NDN: variants seen among roughly 807,000 people sequenced by gnomAD.
The protein encoded by NDN is necdin.
For synonymous variants in NDN, 245 were observed against 189.4 expected (o/e 1.29, Z -2.41); for missense variants, 465 against 440.4 (o/e 1.06, Z -0.50).
At position 23,686,560 on chromosome 15, in the gene NDN, G is replaced by A. The variant is rs765322757; in HGVS notation, c.658C>T (p.Arg220Trp). The A allele has an allele frequency of 6.8e-6, 11 of 1,613,310 alleles. No individual in the cohort carries two copies. The South Asian group carries it at 1.1e-4, about 16-fold the overall frequency. ...VWNVLRILGL[R>W]PWKKHSTFGD... ...AAGGTGGAGTGCTTCTTCCAGGGCCGCAGCCCCAGGATGCGCAGCACGTTC... is the reference window on the plus strand; with the variant it reads ...AAGGTGGAGTGCTTCTTCCAGGGCCACAGCCCCAGGATGCGCAGCACGTTC... Residue 220 changes from arginine (R) to tryptophan (W), a missense_variant, in exon 1 of 1, where the codon CGG (arginine) becomes TGG (tryptophan). Transcript: ENST00000649030.
In NDN at chr15:23,686,274, C is replaced by A; in HGVS notation, c.944G>T (p.Arg315Leu). Residue 315 changes from arginine (R) to leucine (L), a missense_variant, in exon 1 of 1, where the codon CGC becomes CTC. Arg to Leu is a moderately radical substitution (Grantham distance 102). Transcript: ENST00000649030. ...REANPTAHYP[R>L]SSVSED ...TTGCTAGTCCTCAGAGACACTGCTG[C>A]GAGGGTAGTGGGCAGTGGGATTAGC... 1 of 1,510,838 alleles carries A rather than the reference C, an allele frequency of 6.6e-7. No homozygotes were observed. The highest frequency in any genetic ancestry group is 8.8e-7 in the Non-Finnish European group (1 of 1,131,074). The allele number at this position is 1,510,838 out of a possible 1,614,324, so 93.6% of individuals were successfully genotyped here.
In NDN at chr15:23,686,591, G is replaced by A; in HGVS notation, c.627C>T (p.Ala209=). The A allele has an allele frequency of 6.2e-7, 1 of 1,613,260 alleles. No homozygotes were observed. The highest frequency in any genetic ancestry group is 1.1e-5 in the South Asian group (1 of 91,070). The part of the protein sequence containing the change: ...YVKGRGARES[A]VWNVLRILGL... ...CCAGGATGCGCAGCACGTTCCAGAC[G>A]GCGCTCTCTCTGGCGCCGCGGCCCT... Residue 209 remains alanine, a synonymous_variant, in exon 1 of 1, where the codon GCC becomes GCT. Coordinates refer to ENST00000649030, the MANE Select transcript of NDN (RefSeq NM_002487.3).
chr15:23,687,152 C>T lies in NDN; in HGVS notation c.66G>A (p.Val22=), dbSNP rs758774125. 4 of 1,556,694 alleles carry T rather than the reference C, an allele frequency of 2.6e-6. No homozygotes were observed. Among genetic ancestry groups the T allele is most frequent in the South Asian group, 1.2e-5 (1 of 84,780 alleles). The change falls in exon 1 of 1, where the codon GTG becomes GTA. Residue 22 remains valine (V), a synonymous_variant. Transcript: ENST00000649030. ...NFAAEAPNSE[V]HSSPGVSEGV... The stretch of plus-strand genomic sequence containing the variant: ...CCTCCGAAACCCCAGGGCTGCTGTG[C>T]ACCTCGGAGTTGGGGGCCTCGGCTG...
Position 23,687,031 on chromosome 15 carries a change from C to T in NDN, c.187G>A (p.Asp63Asn). 2.0e-6 allele frequency: 3 copies of T among 1,491,378 alleles called. No individual in the cohort carries two copies. Among genetic ancestry groups the T allele is most frequent in the Non-Finnish European group, 2.7e-6 (3 of 1,123,950 alleles). 92.4% of individuals were successfully genotyped at this position (1,491,378 alleles called of 1,614,324 possible). The stretch of plus-strand genomic sequence containing the variant: ...TGCAGGGCCTTCGGGTCGCCCTCGT[C>T]GTTCGGGGCCTGGGGAGGCGGCGCG... ...QAAPPPQAPN[D>N]EGDPKALQQA... The change falls in exon 1 of 1, where the codon GAC (aspartate) becomes AAC (asparagine). Residue 63 changes from aspartate to asparagine, a missense_variant. Physicochemically the swap from Asp to Asn is conservative, Grantham distance 23. Coordinates refer to ENST00000649030, the MANE Select transcript of NDN (RefSeq NM_002487.3).
Position 23,686,916 on chromosome 15 carries a change from T to A in NDN, c.302A>T (p.Lys101Met). 1 of 1,613,288 alleles carries A rather than the reference T, an allele frequency of 6.2e-7. No individual in the cohort carries two copies. Among genetic ancestry groups the A allele is most frequent in the Non-Finnish European group, 8.5e-7 (1 of 1,179,730 alleles). Reference sequence around the variant, plus strand: ...CACGTACCACATGAGCTCGTGCGCCTTCTGCACCAGCTGCGCCGGGGCTGG... The same window carrying A: ...CACGTACCACATGAGCTCGTGCGCCATCTGCACCAGCTGCGCCGGGGCTGG... ...APPAPAQLVQ[K>M]AHELMWYVLV... The change falls in exon 1 of 1, where the codon AAG becomes ATG. Residue 101 changes from lysine to methionine, a missense_variant. Lys to Met is a moderately conservative substitution (Grantham distance 95). Transcript: ENST00000649030.
rs770125459 is a variant in NDN at position 23,686,780 on chromosome 15, G to A, written c.438C>T (p.Ile146=). 9.3e-6 allele frequency: 15 copies of A among 1,613,892 alleles called. No homozygotes were observed. The highest frequency in any genetic ancestry group is 1.2e-5 in the Non-Finnish European group (14 of 1,180,026). ...GGTGCAGCCCGAACACCCGGGCGAGGATGAGGCTGGTGCGCCGGAGGATGC... is the reference window on the plus strand; with the variant it reads ...GGTGCAGCCCGAACACCCGGGCGAGAATGAGGCTGGTGCGCCGGAGGATGC... ...CRSILRRTSL[I]LARVFGLHLR... is the part of the protein sequence containing the mutation. Residue 146 remains isoleucine, a synonymous_variant, in exon 1 of 1, where the codon ATC becomes ATT. Coordinates refer to ENST00000649030, the MANE Select transcript of NDN (RefSeq NM_002487.3).
In NDN at chr15:23,686,988, C is replaced by T; in HGVS notation, c.230G>A (p.Gly77Asp). ...CGCGCTCGGGGCCTGGTGGGCGCGGCCCTCCTCCGCAGCCTGCTGCAGGGC... is the reference window on the plus strand; with the variant it reads ...CGCGCTCGGGGCCTGGTGGGCGCGGTCCTCCTCCGCAGCCTGCTGCAGGGC... ...PKALQQAAEE[G>D]RAHQAPSAAQ... is the part of the protein sequence containing the mutation. The change falls in exon 1 of 1, where the codon GGC becomes GAC. Residue 77 changes from glycine (G) to aspartate (D), a missense_variant. Gly to Asp is a moderately conservative substitution (Grantham distance 94, BLOSUM62 -1). Coordinates refer to ENST00000649030, the MANE Select transcript of NDN (RefSeq NM_002487.3). 1 of 1,477,262 alleles carries T rather than the reference C, an allele frequency of 6.8e-7. No homozygotes were observed. 91.5% of individuals were successfully genotyped at this position (1,477,262 alleles called of 1,614,324 possible).
At position 23,686,995 on chromosome 15, in the gene NDN, C is replaced by T; in HGVS notation, c.223G>A (p.Glu75Lys). The T allele has an allele frequency of 6.8e-7, 1 of 1,469,358 alleles. No homozygotes were observed. Among genetic ancestry groups the T allele is most frequent in the Non-Finnish European group, 8.9e-7 (1 of 1,118,344 alleles). The allele number at this position is 1,469,358 out of a possible 1,614,324, so 91.0% of individuals were successfully genotyped here. ...GGGGCCTGGTGGGCGCGGCCCTCCT[C>T]CGCAGCCTGCTGCAGGGCCTTCGGG... Reference protein sequence around the residue: ...GDPKALQQAAEEGRAHQAPSA... With the variant: ...GDPKALQQAAKEGRAHQAPSA... The change falls in exon 1 of 1, where the codon GAG becomes AAG. Residue 75 changes from glutamate (E) to lysine (K), a missense_variant. By Grantham distance (56) the Glu-to-Lys change is moderately conservative (BLOSUM62 1). Transcript: ENST00000649030.
Position 23,685,630 on chromosome 15 carries a change from T to C in NDN, c.*622A>G, listed in dbSNP as rs1186153656. The C allele has an allele frequency of 6.6e-6, 1 of 152,212 alleles. No individual in the cohort carries two copies. The highest frequency in any genetic ancestry group is 2.4e-5 in the African/African-American group (1 of 41,454). The allele number at this position is 152,212 out of a possible 1,614,324, so 9.4% of individuals were successfully genotyped here. A position where few individuals can be genotyped will look rare whatever the true frequency, so the allele number is the denominator to read the frequency against. On this transcript the variant is annotated 3_prime_UTR_variant, in exon 1 of 1. Coordinates refer to ENST00000649030, the MANE Select transcript of NDN (RefSeq NM_002487.3). ...ACTGTAAAATAGAGAATTGTCTCAT[T>C]CCCAACCATACTGCTTTGTTAAAAT...
rs2140756886 is a variant in NDN at position 23,686,347 on chromosome 15, G to T, written c.871C>A (p.Pro291Thr). ...RVFKKDPQAW[P>T]SRYREALEEA... ...TCCAGAGCTTCTCTGTATCGGGAGG[G>T]CCAGGCCTGGGGGTCTTTCTTAAAG... The change falls in exon 1 of 1, where the codon CCC becomes ACC. Residue 291 changes from proline to threonine, a missense_variant. Pro to Thr is a conservative substitution (Grantham distance 38). Transcript: ENST00000649030. 2 of 1,585,144 alleles carry T rather than the reference G, an allele frequency of 1.3e-6. No individual in the cohort carries two copies. The highest frequency in any genetic ancestry group is 1.7e-6 in the Non-Finnish European group (2 of 1,165,556).
rs1157485590 is a variant in NDN, at chr15:23,686,178, A to T, written c.*74T>A. On this transcript the variant is annotated 3_prime_UTR_variant, in exon 1 of 1. Coordinates refer to ENST00000649030, the MANE Select transcript of NDN (RefSeq NM_002487.3). ...GAATACTGCACTGTAAATCCTGAAT[A>T]CTATAATGACCCACCCCCACCCTTC... 6.8e-7 allele frequency: 1 copy of T among 1,475,244 alleles called. No homozygotes were observed. The highest frequency in any genetic ancestry group is 1.5e-5 in the South Asian group (1 of 66,364). The allele number at this position is 1,475,244 out of a possible 1,614,324, so 91.4% of individuals were successfully genotyped here.
Position 23,685,795 on chromosome 15 carries a change from G to C in NDN, c.*457C>G, listed in dbSNP as rs184083842. On this transcript the variant is annotated 3_prime_UTR_variant, in exon 1 of 1. Transcript: ENST00000649030. ...ACTGAGACCAGTCCAGTTCAAATTAGTGTACTCCACGAGGGTGTTTTCTGT... is the reference window on the plus strand; with the variant it reads ...ACTGAGACCAGTCCAGTTCAAATTACTGTACTCCACGAGGGTGTTTTCTGT... 1 of 152,812 alleles carries C rather than the reference G, an allele frequency of 6.5e-6. No individual in the cohort carries two copies. Among genetic ancestry groups the C allele is most frequent in the East Asian group, 1.9e-4 (1 of 5,182 alleles). The allele number at this position is 152,812 out of a possible 1,614,324, so 9.5% of individuals were successfully genotyped here.
rs1891140105 is a variant in NDN at position 23,686,180 on chromosome 15, T to A, written c.*72A>T. On this transcript the variant is annotated 3_prime_UTR_variant, in exon 1 of 1. Coordinates refer to ENST00000649030, the MANE Select transcript of NDN (RefSeq NM_002487.3). ...ATACTGCACTGTAAATCCTGAATAC[T>A]ATAATGACCCACCCCCACCCTTCCA... 3 of 1,484,554 alleles carry A rather than the reference T, an allele frequency of 2.0e-6. No homozygotes were observed. The highest frequency in any genetic ancestry group is 2.7e-6 in the Non-Finnish European group (3 of 1,118,556). 92.0% of individuals were successfully genotyped at this position (1,484,554 alleles called of 1,614,324 possible). A position where few individuals can be genotyped will look rare whatever the true frequency, so the allele number is the denominator to read the frequency against.
Position 23,687,098 on chromosome 15 carries a change from C to A in NDN, c.120G>T (p.Glu40Asp). ...TCGGGCCTAGAGGAGGGCTCTGCGG[C>A]TCTGCCAGGGTCGCGGACGGAGGAA... ...EGVPPSATLA[E>D]PQSPPLGPTA... Residue 40 changes from glutamate (E) to aspartate (D), a missense_variant, in exon 1 of 1, where the codon GAG becomes GAT. Coordinates refer to ENST00000649030, the MANE Select transcript of NDN (RefSeq NM_002487.3). 3 of 1,581,694 alleles carry A rather than the reference C, an allele frequency of 1.9e-6. No homozygotes were observed. In the South Asian group the frequency reaches 3.4e-5, roughly 18 times the overall value.
rs757333669 is a variant in NDN, at chr15:23,687,096, G to A, written c.122C>T (p.Pro41Leu). The A allele has an allele frequency of 1.3e-6, 2 of 1,580,914 alleles. No individual in the cohort carries two copies. Among genetic ancestry groups the A allele is most frequent in the Non-Finnish European group, 8.6e-7 (1 of 1,166,338 alleles). ...GVPPSATLAE[P>L]QSPPLGPTAA... is the part of the protein sequence containing the mutation. ...CGTCGGGCCTAGAGGAGGGCTCTGC[G>A]GCTCTGCCAGGGTCGCGGACGGAGG... Residue 41 changes from proline to leucine, a missense_variant, in exon 1 of 1, where the codon CCG becomes CTG. Physicochemically the swap from Pro to Leu is moderately conservative, Grantham distance 98. Coordinates refer to ENST00000649030, the MANE Select transcript of NDN (RefSeq NM_002487.3).
In NDN at chr15:23,686,606, G is replaced by T. The variant is rs748616399; in HGVS notation, c.612C>A (p.Gly204=). The T allele has an allele frequency of 6.2e-7, 1 of 1,613,258 alleles. No homozygotes were observed. The highest frequency in any genetic ancestry group is 8.5e-7 in the Non-Finnish European group (1 of 1,179,966). ...CGTTCCAGACGGCGCTCTCTCTGGCGCCGCGGCCCTTCACGTAGATGAGGC... is the reference window on the plus strand; with the variant it reads ...CGTTCCAGACGGCGCTCTCTCTGGCTCCGCGGCCCTTCACGTAGATGAGGC... ...ILSLIYVKGR[G]ARESAVWNVL... Residue 204 remains glycine, a synonymous_variant, in exon 1 of 1, where the codon GGC becomes GGA. Transcript: ENST00000649030.
At position 23,685,747 on chromosome 15, in the gene NDN, A is replaced by G. The variant is rs1290352752; in HGVS notation, c.*505T>C. 1.3e-5 allele frequency: 2 copies of G among 152,256 alleles called. No individual in the cohort carries two copies. Among genetic ancestry groups the G allele is most frequent in the Admixed American group, 6.5e-5 (1 of 15,278 alleles). The allele number at this position is 152,256 out of a possible 1,614,324, so 9.4% of individuals were successfully genotyped here. A position where few individuals can be genotyped will look rare whatever the true frequency, so the allele number is the denominator to read the frequency against. On this transcript the variant is annotated 3_prime_UTR_variant, in exon 1 of 1. Coordinates refer to ENST00000649030, the MANE Select transcript of NDN (RefSeq NM_002487.3). ...TCACGGTGGGGTTGTATATGTGTTT[A>G]GTAAAGTGTGCCAAGTGCTCACACT...
In NDN at chr15:23,686,010, T is replaced by C. The variant is rs1313850007; in HGVS notation, c.*242A>G. ...CTCTGGTACAAAAATCCAAGAAAGG[T>C]AGCACAAAAGCGAAAGCACCAACCA... On this transcript the variant is annotated 3_prime_UTR_variant, in exon 1 of 1. Coordinates refer to ENST00000649030, the MANE Select transcript of NDN (RefSeq NM_002487.3). The C allele has an allele frequency of 5.8e-6, 2 of 342,270 alleles. No homozygotes were observed. The highest frequency in any genetic ancestry group is 2.1e-5 in the African/African-American group (1 of 47,120). The allele number at this position is 342,270 out of a possible 1,614,324, so 21.2% of individuals were successfully genotyped here.
At position 23,686,629 on chromosome 15, in the gene NDN, G is replaced by C. The variant is rs771393294; in HGVS notation, c.589C>G (p.Leu197Val). 1 of 1,613,486 alleles carries C rather than the reference G, an allele frequency of 6.2e-7. No individual in the cohort carries two copies. The highest frequency in any genetic ancestry group is 1.7e-5 in the Admixed American group (1 of 60,032). ...GCGCCGCGGCCCTTCACGTAGATGA[G>C]GCTCAGGATCATGAGCAGGAGGCCT... The part of the protein sequence containing the change: ...MTGLLLMILS[L>V]IYVKGRGARE... The change falls in exon 1 of 1, where the codon CTC (leucine) becomes GTC (valine). Residue 197 changes from leucine (L) to valine (V), a missense_variant. Transcript: ENST00000649030.
Sources: gnomAD v4.1 joint callset for allele counts on GRCh38, gnomAD v4.1.1 for gene constraint, MANE v1.5 for transcripts, NCBI Gene and HGNC (gene_info 2026-07-23, HGNC 2026-07-21) for gene names.